The following WDFY2 variants were observed in gnomAD, a reference collection of about 807,000 sequenced individuals.
WDFY2 encodes the protein WD repeat and FYVE domain containing 2.
In WDFY2, 36 loss-of-function variants were observed where a neutral mutation model predicts 56.4. The ratio of observed to expected loss-of-function variants is 0.64; its 90% CI spans 0.49 to 0.84. The LOEUF is 0.84. Among genes scored for constraint, WDFY2 ranks in the 40% least tolerant of loss-of-function variants. The pLI is 0.00. For missense variants in WDFY2, 444 were observed against 512.2 expected, an observed-to-expected ratio of 0.87 and a Z score of 1.29; for synonymous variants, 176 against 183.7, an observed-to-expected ratio of 0.96 and a Z score of 0.34.
chr13:51,664,100 C>T (rs1260281970), intron 2 of WDFY2, among the ~76,000 whole-genome samples: 1 of 151,994 alleles, frequency 6.6e-6, no homozygotes, highest in Non-Finnish European at 1.5e-5. Context: ...ATAGTGAAGG[C>T]CAAGTTTGAT....
chr13:51,676,767 A>G (rs1352632787), intron 3 of WDFY2, among the ~76,000 whole-genome samples: 1 of 152,216 alleles, frequency 6.6e-6, no homozygotes, highest in Non-Finnish European at 1.5e-5. Flanking sequence ...AAAGTTGTCT[A>G]CTTTGAGGAG....
intron 1 of WDFY2, among the ~76,000 whole-genome samples, chr13:51,623,864 G>A (rs1005254902): frequency 6.6e-6 from 1 of 150,942 alleles, no homozygotes; most frequent in Non-Finnish European, 1.5e-5. Flanking sequence ...TAAAGGAATA[G>A]GCACTTTTTT....
In WDFY2 at chr13:51,763,299, G is replaced by A. The variant is rs79921989; in HGVS notation, c.*3530G>A. 3 of 152,024 alleles carry A rather than the reference G, an allele frequency of 2.0e-5. No homozygotes were observed. Among genetic ancestry groups the A allele is most frequent in the African/African-American group, 7.3e-5 (3 of 41,366 alleles). The allele number at this position is 152,024 out of a possible 1,614,324, so 9.4% of individuals were successfully genotyped here. A position where few individuals can be genotyped will look rare whatever the true frequency, so the allele number is the denominator to read the frequency against. On this transcript the variant is annotated 3_prime_UTR_variant, in exon 12 of 12. Transcript: ENST00000298125. Reference sequence around the variant, plus strand: ...GAAAGCATATATGACAGTTTTTTTGGCTCCGGCCCTGTGGTGGGGGAGGTA... The same window carrying A: ...GAAAGCATATATGACAGTTTTTTTGACTCCGGCCCTGTGGTGGGGGAGGTA...
Position 51,628,522 on chromosome 13 carries a change from C to T in WDFY2, c.138-32074C>T, listed in dbSNP as rs560562507. 1.8e-4 allele frequency among the ~76,000 whole-genome samples: 27 copies of T among 152,280 alleles called. No individual in the cohort carries two copies. In the East Asian group the frequency reaches 4.1e-3, roughly 23 times the overall value. Reference sequence around the variant, plus strand: ...TGGCTGCAGCTACACCCAGGAGCACCGGTTTCCCATCCCACCAACTCGGTA... The same window carrying T: ...TGGCTGCAGCTACACCCAGGAGCACTGGTTTCCCATCCCACCAACTCGGTA... On this transcript the variant is annotated intron_variant, in intron 1 of 11. Transcript: ENST00000298125.
Position 51,703,542 on chromosome 13 carries a change from A to G in WDFY2, c.280-54A>G, listed in dbSNP as rs909260626. 3.0e-6 allele frequency: 4 copies of G among 1,317,720 alleles called. No homozygotes were observed. In the Admixed American group the frequency reaches 8.2e-5, roughly 27 times the overall value. 81.6% of individuals were successfully genotyped at this position (1,317,720 alleles called of 1,614,324 possible). On this transcript the variant is annotated intron_variant, in intron 3 of 11. Coordinates refer to ENST00000298125, the MANE Select transcript of WDFY2 (RefSeq NM_052950.4). ...TATTCAGTCTGGTTTTACCAAATATAGTCATTCACTTAAAGAATTTATTTT... is the reference window on the plus strand; with the variant it reads ...TATTCAGTCTGGTTTTACCAAATATGGTCATTCACTTAAAGAATTTATTTT...
At chr13:51,586,898 C>G (rs1173625283) in intron 1 of WDFY2, 1 of 152,028 alleles carries the variant, frequency 6.6e-6, no homozygotes, top group African/African-American at 2.4e-5. Context: ...CAAACATGAA[C>G]ATAACTTTGT....
At chr13:51,695,781 G>T (rs1221831209) in intron 3 of WDFY2, among the ~76,000 whole-genome samples, 1 of 152,232 alleles carries the variant, frequency 6.6e-6, no homozygotes, top group Non-Finnish European at 1.5e-5. Flanking sequence ...GCCCCCAGAG[G>T]TGGAGCCTAC....
At chr13:51,625,097 G>A (rs542522830) in intron 1 of WDFY2, among the ~76,000 whole-genome samples, 1 of 152,328 alleles carries the variant, frequency 6.6e-6, no homozygotes, top group African/African-American at 2.4e-5. Context: ...GCAGGGTGGG[G>A]TGGGTGAGGC....
intron 3 of WDFY2, among the ~76,000 whole-genome samples, chr13:51,694,680 G>T (rs1435847316): frequency 6.6e-6 from 1 of 152,130 alleles, no homozygotes; most frequent in African/African-American, 2.4e-5. Flanking sequence ...TCTTCTTGAG[G>T]AGTATCTTTG....
chr13:51,606,858 T>C (rs1954393350), intron 1 of WDFY2, among the ~76,000 whole-genome samples: 1 of 152,184 alleles, frequency 6.6e-6, no homozygotes, highest in Admixed American at 6.5e-5. Flanking sequence ...TTTTTCACCA[T>C]GTAATTCTAG....
intron 3 of WDFY2, among the ~76,000 whole-genome samples, chr13:51,681,858 G>C (rs1328086175): frequency 6.6e-6 from 1 of 152,084 alleles, no homozygotes; most frequent in East Asian, 1.9e-4. Context: ...CTTGGTATTT[G>C]TGTGAATCAA....
At chr13:51,661,946 T>C (rs1331537908) in intron 2 of WDFY2, among the ~76,000 whole-genome samples, 1 of 152,080 alleles carries the variant, frequency 6.6e-6, no homozygotes, top group African/African-American at 2.4e-5. Flanking sequence ...CTCTAGGTTT[T>C]TTTTTCCTGT....
intron 1 of WDFY2, among the ~76,000 whole-genome samples, chr13:51,627,705 T>C (rs1264488608): frequency 6.6e-6 from 1 of 152,058 alleles, no homozygotes; most frequent in African/African-American, 2.4e-5. Flanking sequence ...TCTAATCCCA[T>C]GTCCAGGAAG....
chr13:51,758,752 C>T (rs911115981), intron 11 of WDFY2, among the ~76,000 whole-genome samples: 9 of 152,054 alleles, frequency 5.9e-5, no homozygotes, highest in Admixed American at 1.3e-4. Flanking sequence ...GCAGTCAAAA[C>T]GGTAATACAT....
intron 3 of WDFY2, among the ~76,000 whole-genome samples, chr13:51,697,640 A>G (rs1326469259): frequency 2.6e-5 from 4 of 152,142 alleles, no homozygotes; most frequent in African/African-American, 9.7e-5. Flanking sequence ...CTCAAAAAAA[A>G]AAAAAAAATG....
intron 4 of WDFY2, among the ~76,000 whole-genome samples, chr13:51,716,455 G>C (rs1295399809): frequency 1.3e-5 from 2 of 152,042 alleles, no homozygotes; most frequent in Non-Finnish European, 2.9e-5. Flanking sequence ...CACTTTGGGA[G>C]GCCGAGGCGG....
chr13:51,717,604 T>C (rs955045559), intron 4 of WDFY2, among the ~76,000 whole-genome samples: 3 of 152,050 alleles, frequency 2.0e-5, no homozygotes, highest in Non-Finnish European at 4.4e-5. Context: ...TGAAATCGAC[T>C]TGAGTATACT....
intron 1 of WDFY2, among the ~76,000 whole-genome samples, chr13:51,659,988 A>G (rs897792711): frequency 2.0e-5 from 3 of 152,222 alleles, no homozygotes; most frequent in Non-Finnish European, 4.4e-5. Context: ...AGATGCTTGG[A>G]AAGGCAAAAC....
intron 1 of WDFY2, among the ~76,000 whole-genome samples, chr13:51,643,118 G>T (rs1057046797): frequency 6.6e-6 from 1 of 151,998 alleles, no homozygotes; most frequent in South Asian, 2.1e-4. Flanking sequence ...TTAACTATTT[G>T]TAAGTGTTCA....
Sources: allele counts gnomAD v4.1 joint callset (sites outside exome capture counted in the v4.1 genomes callset), GRCh38; gene constraint gnomAD v4.1.1; transcripts MANE v1.5; gene names NCBI Gene and HGNC (gene_info 2026-07-23, HGNC 2026-07-21).